The following SI variants were observed in gnomAD, a reference collection of about 807,000 sequenced individuals.
SI encodes the protein sucrase-isomaltase.
In SI, 235 loss-of-function variants were observed where a neutral mutation model predicts 253.3. The observed-to-expected ratio is 0.93, with a 90% CI of 0.83 to 1.03. The LOEUF is 1.03. Among genes scored for constraint, SI ranks in the 50% least tolerant of loss-of-function variants. The probability of loss-of-function intolerance (pLI) is 0.00; values close to 1 mark genes in which losing one functional copy is unlikely to be tolerated. For missense variants in SI, 2,442 were observed against 2,211.1 expected (o/e 1.10, Z -2.09); for synonymous variants, 819 against 712.0 (o/e 1.15, Z -2.39).
At chr3:165,006,675 C>A in intron 37 of SI, 141 bp downstream of exon 37, 6 of 660,922 alleles carry the variant, frequency 9.1e-6, no homozygotes, top group South Asian at 3.9e-5. Context: ...TTTCTAAATG[C>A]TATGAAGGAA....
intron 34 of SI, among the ~76,000 whole-genome samples, chr3:165,011,362 C>T (rs1324332089): frequency 6.6e-6 from 1 of 151,994 alleles, no homozygotes; most frequent in Non-Finnish European, 1.5e-5. Context: ...TTTGTTGTTC[C>T]ACTGGCTGTT....
At chr3:164,987,015 T>G (rs1717469172) in intron 45 of SI, 123 bp downstream of exon 45, 3 of 793,504 alleles carry the variant, frequency 3.8e-6, no homozygotes, top group African/African-American at 1.8e-5. Context: ...TAGTAAAATC[T>G]TTTAGCCTTG....
intron 43 of SI, 25 bp from the exon 44 acceptor site, chr3:164,991,502 A>T (rs373073529): frequency 2.5e-6 from 4 of 1,612,836 alleles, no homozygotes; most frequent in Admixed American, 3.3e-5. Context: ...GATGGAAAGA[A>T]CAGGTGGAGC....
chr3:165,065,464 AATATATATATATATATAT>A lies in SI; in HGVS notation c.636-50_636-33del, dbSNP rs66946322. 3.2e-3 allele frequency: 662 copies of A among 209,724 alleles called. 125 individuals are homozygous for A. The highest frequency in any genetic ancestry group is 3.5e-3 in the Middle Eastern group (2 of 578). 13.0% of individuals were successfully genotyped at this position (209,724 alleles called of 1,614,324 possible). Reference sequence around the variant, plus strand: ...CATAAAAGAAATAAAGAAATAATCTAATATATATATATATATATATATATATATATGATATTCTACCAG... The same window carrying A: ...CATAAAAGAAATAAAGAAATAATCTAATATATATATATGATATTCTACCAG... On this transcript the variant is annotated intron_variant, in intron 6 of 47. Coordinates refer to ENST00000264382, the MANE Select transcript of SI (RefSeq NM_001041.4).
chr3:165,015,844 C>T, intron 32 of SI, 108 bp downstream of exon 32: 10 of 988,930 alleles, frequency 1.0e-5, no homozygotes, highest in Non-Finnish European at 1.6e-5. Flanking sequence ...GGGAGTGTTA[C>T]TCAAAGTTAT....
At chr3:165,079,368 A>G (rs1441640605), upstream of SI, among the ~76,000 whole-genome samples, 1 of 151,686 alleles carries the variant, frequency 6.6e-6, no homozygotes, top group African/African-American at 2.4e-5. Context: ...CCATCTGGAT[A>G]CTATCTTTTC....
At chr3:165,083,748 CCATT>C in the SI span, among the ~76,000 whole-genome samples, 1 of 151,848 alleles carries the variant, frequency 6.6e-6, no homozygotes, top group Non-Finnish European at 1.5e-5. Flanking sequence ...CTTTGGCCTT[CCATT>C]ATGTAACTTG....
At chr3:165,013,260 T>C (rs914772678) in intron 33 of SI, among the ~76,000 whole-genome samples, 2 of 152,130 alleles carry the variant, frequency 1.3e-5, no homozygotes, top group African/African-American at 4.8e-5. Context: ...AAATACAAAA[T>C]AGCATTGCCA....
chr3:165,009,203 T>G (rs1718655461), intron 35 of SI, 76 bp downstream of exon 35: 3 of 966,230 alleles, frequency 3.1e-6, no homozygotes, highest in Admixed American at 3.6e-5. Flanking sequence ...TTGACATTAT[T>G]TGAGCCAAGT....
At position 165,076,615 on chromosome 3, in the gene SI, G is replaced by A. The variant is rs1714992457; in HGVS notation, c.1-603C>T. ...GTATATATTTGGGAGTTGCTACTCT[G>A]TTTAAAAATCTTTTGAATTTTCACC... On this transcript the variant is annotated intron_variant, in intron 1 of 47. Transcript: ENST00000264382. Among the ~76,000 whole-genome samples, 5 of 151,584 alleles carry A rather than the reference G, an allele frequency of 3.3e-5. No homozygotes were observed. In the Admixed American group the frequency reaches 3.3e-4, roughly 10 times the overall value.
At chr3:165,075,074 A>G (rs1576928154) in intron 2 of SI, among the ~76,000 whole-genome samples, 1 of 152,132 alleles carries the variant, frequency 6.6e-6, no homozygotes, top group East Asian at 1.9e-4. Flanking sequence ...AAAGTAGGTG[A>G]AAGTTATTCA....
At chr3:165,074,797 G>C in intron 2 of SI, 130 bp from the exon 3 acceptor site, 1 of 782,236 alleles carries the variant, frequency 1.3e-6, no homozygotes, top group Admixed American at 2.6e-5. Context: ...AATAAATTTT[G>C]CATTTAAAAA....
rs144684786 is a variant in SI at position 165,064,596 on chromosome 3, CA to C, written c.807+664del. Among the ~76,000 whole-genome samples the C allele has an allele frequency of 2.0e-3, 308 of 152,134 alleles. 7 individuals carry two copies. The East Asian group carries it at 0.039, about 19-fold the overall frequency. The stretch of plus-strand genomic sequence containing the variant: ...ATGATGTTTGGTCTCAAAAATCTCA[CA>C]TTTTTTGAGCAACAAACATAAAAAC... On this transcript the variant is annotated intron_variant, in intron 7 of 47. Transcript: ENST00000264382.
Position 165,065,449 on chromosome 3 carries a change from A to C in SI, c.636-17T>G, listed in dbSNP as rs1297411530. The C allele has an allele frequency of 5.2e-6, 5 of 960,774 alleles. No individual in the cohort carries two copies. Among genetic ancestry groups the C allele is most frequent in the Non-Finnish European group, 6.0e-6 (4 of 672,092 alleles). The allele number at this position is 960,774 out of a possible 1,614,324, so 59.5% of individuals were successfully genotyped here. On this transcript the variant is annotated splice_polypyrimidine_tract_variant and intron_variant, in intron 6 of 47. Transcript: ENST00000264382. ...GTGTCAAACCTGCACCATAAAAGAAATAAAGAAATAATCTAATATATATAT... is the reference window on the plus strand; with the variant it reads ...GTGTCAAACCTGCACCATAAAAGAACTAAAGAAATAATCTAATATATATAT...
chr3:165,005,189 A>G (rs1320992517), intron 37 of SI, among the ~76,000 whole-genome samples: 8 of 152,282 alleles, frequency 5.3e-5, no homozygotes, highest in African/African-American at 1.7e-4. Context: ...AGTCTCAGGT[A>G]GTATCTTTAT....
At chr3:165,068,948 C>T (rs1714401415) in intron 4 of SI, 117 bp from the exon 5 acceptor site, 1 of 988,594 alleles carries the variant, frequency 1.0e-6, no homozygotes, top group Non-Finnish European at 1.6e-6. Flanking sequence ...TTGTTACAAT[C>T]ATGCAAAAAT....
intron 3 of SI, 162 bp downstream of exon 3, chr3:165,074,369 T>G: frequency 2.5e-6 from 1 of 403,364 alleles, no homozygotes; most frequent in South Asian, 7.4e-5. Flanking sequence ...GTCAGTAACT[T>G]CTATTATCTA....
upstream of SI, among the ~76,000 whole-genome samples, chr3:165,079,728 T>C (rs78617159): frequency 2.0e-5 from 3 of 151,660 alleles, no homozygotes; most frequent in Non-Finnish European, 4.4e-5. Context: ...AAGGTCAACA[T>C]ACAAAGGTCA....
chr3:165,086,567 T>C, the SI span, among the ~76,000 whole-genome samples: 1 of 152,218 alleles, frequency 6.6e-6, no homozygotes. Context: ...TTCTGCCTTC[T>C]GCACAAAATT....
Sources: allele counts gnomAD v4.1 joint callset (sites outside exome capture counted in the v4.1 genomes callset), GRCh38; gene constraint gnomAD v4.1.1; transcripts MANE v1.5; gene names NCBI Gene and HGNC (gene_info 2026-07-23, HGNC 2026-07-21).